GPHN: variants seen among roughly 807,000 people sequenced by gnomAD.
The protein encoded by GPHN is gephyrin.
Under a neutral mutation model 95.5 loss-of-function variants are expected in GPHN, and 17 were observed. That is an observed-to-expected ratio of 0.18 (90% CI 0.12 to 0.27). GPHN has a LOEUF of 0.27. Ranked by LOEUF, GPHN falls within the 10% of genes least tolerant of loss-of-function variation. GPHN has a pLI of 1.00. For synonymous variants in GPHN, 320 were observed against 322.5 expected (o/e 0.99, Z 0.08); for missense variants, 660 against 978.1 (o/e 0.67, Z 4.34).
At chr14:67,345,619 G>T in the GPHN span, 1 of 556,720 alleles carries the variant, frequency 1.8e-6, no homozygotes, top group South Asian at 2.7e-5. Flanking sequence ...CATCACTTCA[G>T]AAATCAAAAT....
At chr14:67,257,675 A>G in the GPHN span, among the ~76,000 whole-genome samples, 76 of 152,330 alleles carry the variant, frequency 5.0e-4, no homozygotes, top group Non-Finnish European at 1.8e-4. Flanking sequence ...GTATGTATAT[A>G]TAACATACAG....
chr14:67,402,892 A>C, the GPHN span, among the ~76,000 whole-genome samples: 5 of 152,196 alleles, frequency 3.3e-5, no homozygotes, highest in Non-Finnish European at 5.9e-5. Flanking sequence ...GGGTGTGCAG[A>C]TATCTCTTCA....
chr14:67,051,252 A>T (rs2075294155), intron 10 of GPHN, among the ~76,000 whole-genome samples: 1 of 152,224 alleles, frequency 6.6e-6, no homozygotes, highest in East Asian at 1.9e-4. Context: ...CTGCCAGTTT[A>T]GAGAGGAAAA....
the GPHN span, among the ~76,000 whole-genome samples, chr14:67,301,736 G>C: frequency 2.6e-5 from 4 of 151,920 alleles, no homozygotes; most frequent in East Asian, 5.8e-4. Flanking sequence ...AATTATCTAG[G>C]GTGTGTAGAC....
chr14:67,399,984 G>A, the GPHN span, among the ~76,000 whole-genome samples: 9 of 152,194 alleles, frequency 5.9e-5, no homozygotes, highest in East Asian at 1.9e-4. Context: ...ATCAAAGTCC[G>A]TTGCCCCAAC....
intron 5 of GPHN, among the ~76,000 whole-genome samples, chr14:66,880,486 G>A (rs537101209): frequency 9.2e-5 from 14 of 151,970 alleles, no homozygotes; most frequent in Non-Finnish European, 1.5e-4. Flanking sequence ...ACTGTTTTCT[G>A]TGACTGTTTA....
chr14:66,779,924 A>C (rs745526642), intron 3 of GPHN, among the ~76,000 whole-genome samples: 12 of 152,156 alleles, frequency 7.9e-5, no homozygotes, highest in Non-Finnish European at 1.6e-4. Context: ...GGTTCTACCT[A>C]GATGGAAGGA....
At chr14:67,411,477 G>A in the GPHN span, among the ~76,000 whole-genome samples, 7 of 152,138 alleles carry the variant, frequency 4.6e-5, no homozygotes, top group Non-Finnish European at 7.3e-5. Context: ...GAGTGGGTCT[G>A]ATCCCGATCC....
chr14:67,027,936 A>G (rs757909864), intron 10 of GPHN, among the ~76,000 whole-genome samples: 1 of 152,172 alleles, frequency 6.6e-6, no homozygotes, highest in Non-Finnish European at 1.5e-5. Flanking sequence ...CATTGATGTT[A>G]ACTATAGTCA....
At chr14:67,576,097 A>G in the GPHN span, 1 of 1,039,300 alleles carries the variant, frequency 9.6e-7, no homozygotes, top group Non-Finnish European at 1.4e-6. The surrounding 1 kb of genome is among the most constrained non-coding windows in gnomAD (Gnocchi z 4.0). Flanking sequence ...CAAAATTCAA[A>G]TTTATTTCCT....
At chr14:66,523,312 C>T (rs1045713046) in intron 1 of GPHN, among the ~76,000 whole-genome samples, 1 of 151,970 alleles carries the variant, frequency 6.6e-6, no homozygotes, top group African/African-American at 2.4e-5. Context: ...AGTGTAATGA[C>T]AGATTCCCAC....
the GPHN span, among the ~76,000 whole-genome samples, chr14:67,719,191 T>C: frequency 1.3e-5 from 2 of 152,340 alleles, no homozygotes; most frequent in East Asian, 3.9e-4. Flanking sequence ...GCTAAAATGT[T>C]TTATGCACAA....
intron 1 of GPHN, among the ~76,000 whole-genome samples, chr14:66,572,929 C>G (rs917922235): frequency 6.6e-6 from 1 of 152,108 alleles, no homozygotes; most frequent in Non-Finnish European, 1.5e-5. Context: ...GTGGTGCATC[C>G]TTTTATAACG....
intron 10 of GPHN, among the ~76,000 whole-genome samples, chr14:67,039,833 C>G (rs561882823): frequency 6.6e-6 from 1 of 152,082 alleles, no homozygotes; most frequent in African/African-American, 2.4e-5. Flanking sequence ...TAACAAAGTG[C>G]CCTATATTGA....
Position 66,922,897 on chromosome 14 carries a change from A to G in GPHN, c.688A>G (p.Ser230Gly). Residue 230 changes from serine to glycine, a missense_variant, in exon 7 of 23, where the codon AGT becomes GGT. By Grantham distance (56) the Ser-to-Gly change is moderately conservative. Coordinates refer to ENST00000478722, the MANE Select transcript of GPHN (RefSeq NM_020806.5). ...CAGTGGTGTTGCTTCAACAGAAGATAGTTCCTCATCACATATAACTGCAGC... is the reference window on the plus strand; with the variant it reads ...CAGTGGTGTTGCTTCAACAGAAGATGGTTCCTCATCACATATAACTGCAGC... ...KDSGVASTED[S>G]SSSHITAAAI... 6.2e-7 allele frequency: 1 copy of G among 1,613,558 alleles called. No individual in the cohort carries two copies. Among genetic ancestry groups the G allele is most frequent in the South Asian group, 1.1e-5 (1 of 91,078 alleles).
chr14:67,656,345 G>A, the GPHN span: 69 of 1,424,268 alleles, frequency 4.8e-5, no homozygotes, highest in Non-Finnish European at 6.3e-5. Context: ...TTTGGCCTTA[G>A]TACGGTTTCC....
the GPHN span, among the ~76,000 whole-genome samples, chr14:67,547,124 A>G: frequency 6.6e-6 from 1 of 152,082 alleles, no homozygotes; most frequent in Non-Finnish European, 1.5e-5. Flanking sequence ...TCACATGGAA[A>G]TGTTAGGGGT....
At chr14:67,340,686 CCCCTCT>C in the GPHN span, among the ~76,000 whole-genome samples, 2 of 152,176 alleles carry the variant, frequency 1.3e-5, no homozygotes, top group Non-Finnish European at 2.9e-5. Context: ...TCTCCCCCTC[CCCCTCT>C]CCCTCTCCCC....
At chr14:67,373,083 T>A in the GPHN span, among the ~76,000 whole-genome samples, 1 of 152,194 alleles carries the variant, frequency 6.6e-6, no homozygotes, top group African/African-American at 2.4e-5. Flanking sequence ...TCCACATTGC[T>A]CATGGGAATG....
Sources: allele counts gnomAD v4.1 joint callset (sites outside exome capture counted in the v4.1 genomes callset), GRCh38; gene constraint gnomAD v4.1.1; non-coding constraint Gnocchi (gnomAD v3.1); transcripts MANE v1.5; gene names NCBI Gene and HGNC (gene_info 2026-07-23, HGNC 2026-07-21).